GABRB2: variants seen among roughly 807,000 people sequenced by gnomAD.
GABRB2 encodes gamma-aminobutyric acid receptor subunit beta-2.
A neutral mutation model predicts 54.7 loss-of-function variants in GABRB2; 16 were observed. That is an observed-to-expected ratio of 0.29 (90% confidence interval 0.20 to 0.44). The LOEUF (loss-of-function observed/expected upper bound fraction) is 0.44. Ranked by LOEUF, GABRB2 falls within the 20% of genes least tolerant of loss-of-function variation. The probability of loss-of-function intolerance (pLI) is 1.00; values close to 1 mark genes in which losing one functional copy is unlikely to be tolerated. For missense variants in GABRB2, 355 were observed against 644.0 expected (o/e 0.55, Z 4.86); for synonymous variants, 244 against 233.8 (o/e 1.04, Z -0.40).
chr5:161,527,188 A>C (rs1284029928), intron 3 of GABRB2, among the ~76,000 whole-genome samples: 2 of 151,440 alleles, frequency 1.3e-5, no homozygotes, highest in Admixed American at 1.3e-4. Flanking sequence ...CACAGACCTA[A>C]GGACAAGAAG....
chr5:161,533,675 C>G (rs1427309056), intron 3 of GABRB2, among the ~76,000 whole-genome samples: 2 of 151,960 alleles, frequency 1.3e-5, no homozygotes, highest in Non-Finnish European at 2.9e-5. Context: ...TACTAAGACT[C>G]CTTTCTTTGC....
chr5:161,485,737 G>T (rs1272787815), intron 3 of GABRB2, among the ~76,000 whole-genome samples: 3 of 151,896 alleles, frequency 2.0e-5, no homozygotes, highest in Non-Finnish European at 2.9e-5. Context: ...CTAGTTCATA[G>T]ATTGCCATGT....
rs187778711 is a variant in GABRB2 at position 161,288,820 on chromosome 5, G to A, written c.*5261C>T. The A allele has an allele frequency of 3.3e-5, 5 of 151,806 alleles. No individual in the cohort carries two copies. Among genetic ancestry groups the A allele is most frequent in the Non-Finnish European group, 7.4e-5 (5 of 67,954 alleles). 9.4% of individuals were successfully genotyped at this position (151,806 alleles called of 1,614,324 possible). A position where few individuals can be genotyped will look rare whatever the true frequency, so the allele number is the denominator to read the frequency against. ...TTAGAACTGTGCAGGGACAATATTCGTAACAGAACTATTTAAACACCCATG... is the reference window on the plus strand; with the variant it reads ...TTAGAACTGTGCAGGGACAATATTCATAACAGAACTATTTAAACACCCATG... On this transcript the variant is annotated 3_prime_UTR_variant, in exon 10 of 10. Transcript: ENST00000393959.
chr5:161,476,965 TGA>T lies in GABRB2; in HGVS notation c.238-17123_238-17122del, dbSNP rs1561664230. 3.2e-4 allele frequency among the ~76,000 whole-genome samples: 48 copies of T among 151,972 alleles called. 1 individual carries two copies. On this transcript the variant is annotated intron_variant, in intron 3 of 9. Transcript: ENST00000393959. Reference sequence around the variant, plus strand: ...AATTTAAAGACTTATGCATACCAAATGAAACAATCAGCAGAGCTAAAGGGCAA... The same window carrying T: ...AATTTAAAGACTTATGCATACCAAATAACAATCAGCAGAGCTAAAGGGCAA...
intron 4 of GABRB2, among the ~76,000 whole-genome samples, chr5:161,455,160 T>C (rs1469880037): frequency 2.0e-5 from 3 of 152,228 alleles, no homozygotes; most frequent in Non-Finnish European, 1.5e-5. Context: ...GCACAAAATA[T>C]GAGCATGAGT....
At chr5:161,479,372 AT>A in intron 3 of GABRB2, among the ~76,000 whole-genome samples, 1 of 152,142 alleles carries the variant, frequency 6.6e-6, no homozygotes, top group South Asian at 2.1e-4. Context: ...CAGAGTTAGC[AT>A]TTACACAGTA....
intron 3 of GABRB2, among the ~76,000 whole-genome samples, chr5:161,478,410 TG>T (rs1459569349): frequency 1.3e-5 from 2 of 152,054 alleles, no homozygotes; most frequent in African/African-American, 2.4e-5. Flanking sequence ...GTAAATCTGA[TG>T]TTGGTCATGA....
intron 4 of GABRB2, among the ~76,000 whole-genome samples, chr5:161,449,351 G>A (rs1048149995): frequency 3.9e-5 from 6 of 152,106 alleles, no homozygotes; most frequent in African/African-American, 1.4e-4. Flanking sequence ...TCCAATAAAG[G>A]TTACTACTAC....
At chr5:161,371,990 A>G (rs1755146117) in intron 5 of GABRB2, among the ~76,000 whole-genome samples, 1 of 152,070 alleles carries the variant, frequency 6.6e-6, no homozygotes, top group Admixed American at 6.6e-5. Flanking sequence ...TCAACCTCCC[A>G]AACTGTTGGG....
chr5:161,422,719 T>C (rs1038717759), intron 4 of GABRB2, among the ~76,000 whole-genome samples: 1 of 152,178 alleles, frequency 6.6e-6, no homozygotes, highest in Admixed American at 6.5e-5. Context: ...GTCAATAACT[T>C]ACTCTATTTG....
intron 4 of GABRB2, among the ~76,000 whole-genome samples, chr5:161,447,451 T>C (rs925339852): frequency 2.6e-5 from 4 of 152,186 alleles, no homozygotes; most frequent in Non-Finnish European, 5.9e-5. Context: ...ATTTTCTCCA[T>C]TATGGCTAGT....
chr5:161,526,722 T>C (rs1760292583), intron 3 of GABRB2, among the ~76,000 whole-genome samples: 1 of 151,388 alleles, frequency 6.6e-6, no homozygotes, highest in Non-Finnish European at 1.5e-5. Context: ...TAATTGAATA[T>C]AAGAATCCCA....
chr5:161,530,558 T>C (rs988207236), intron 3 of GABRB2, among the ~76,000 whole-genome samples: 4 of 152,046 alleles, frequency 2.6e-5, no homozygotes, highest in African/African-American at 9.7e-5. Flanking sequence ...TACAAAGCAA[T>C]TGGAAAAAAA....
intron 9 of GABRB2, among the ~76,000 whole-genome samples, chr5:161,307,602 G>T (rs1260787533): frequency 6.6e-6 from 1 of 152,106 alleles, no homozygotes; most frequent in Non-Finnish European, 1.5e-5. Flanking sequence ...TTCAAATGAA[G>T]TTCTATGACC....
chr5:161,397,645 A>G lies in GABRB2; in HGVS notation c.541+13330T>C, dbSNP rs1756044805. On this transcript the variant is annotated intron_variant, in intron 5 of 9. Coordinates refer to ENST00000393959, the MANE Select transcript of GABRB2 (RefSeq NM_001371727.1). The stretch of plus-strand genomic sequence containing the variant: ...TGACCGATTTATGGATATTATGCTG[A>G]CAATGTATAAACACTTCTCTTAATA... Among the ~76,000 whole-genome samples the G allele has an allele frequency of 2.6e-5, 4 of 152,350 alleles. No individual in the cohort carries two copies. The South Asian group carries it at 8.3e-4, about 32-fold the overall frequency.
At chr5:161,374,462 T>G (rs1485006803) in intron 5 of GABRB2, among the ~76,000 whole-genome samples, 1 of 152,192 alleles carries the variant, frequency 6.6e-6, no homozygotes, top group Non-Finnish European at 1.5e-5. Context: ...ATTGAACCCA[T>G]CAGCATACTG....
intron 4 of GABRB2, among the ~76,000 whole-genome samples, chr5:161,449,588 G>T (rs777590028): frequency 3.3e-5 from 5 of 152,002 alleles, no homozygotes; most frequent in Non-Finnish European, 7.4e-5. Context: ...TTAAACCAAC[G>T]CTGAGAACAA....
chr5:161,493,379 T>C (rs1479213385), intron 3 of GABRB2, among the ~76,000 whole-genome samples: 1 of 151,702 alleles, frequency 6.6e-6, no homozygotes, highest in Non-Finnish European at 1.5e-5. Flanking sequence ...AAAATAAGTA[T>C]GAGAGAAAAA....
intron 3 of GABRB2, among the ~76,000 whole-genome samples, chr5:161,479,311 C>T (rs1469541540): frequency 1.3e-5 from 2 of 152,010 alleles, no homozygotes; most frequent in East Asian, 3.9e-4. Flanking sequence ...GAATACCCTC[C>T]TTTGGCGAGA....
Sources: allele counts gnomAD v4.1 joint callset (sites outside exome capture counted in the v4.1 genomes callset), GRCh38; gene constraint gnomAD v4.1.1; transcripts MANE v1.5; gene names NCBI Gene and HGNC (gene_info 2026-07-23, HGNC 2026-07-21).